The following KLHL28 variants were observed in gnomAD, a reference collection of about 807,000 sequenced individuals.
KLHL28 encodes kelch like family member 28, also known as kelch-like protein 28.
In KLHL28, 22 loss-of-function variants were observed where a neutral mutation model predicts 48.3. The observed-to-expected ratio is 0.46, with a 90% CI of 0.33 to 0.65. The LOEUF (loss-of-function observed/expected upper bound fraction) is 0.65, where lower values mean the gene tolerates loss of function less well. KLHL28 is among the 30% of genes least tolerant of loss of function. The pLI is 0.03. For missense variants in KLHL28, 527 were observed against 704.3 expected (o/e 0.75, Z 2.85); for synonymous variants, 243 against 242.4 (o/e 1.00, Z -0.02).
Position 44,924,394 on chromosome 14 carries a change from C to T in KLHL28, c.*4634G>A, listed in dbSNP as rs553721252. ...TAACCATAATAATTACAGAACATTA[C>T]CACAATGATACACACAAATAACCTT... On this transcript the variant is annotated 3_prime_UTR_variant, in exon 5 of 5. Coordinates refer to ENST00000396128, the MANE Select transcript of KLHL28 (RefSeq NM_017658.5). 6.6e-6 allele frequency: 1 copy of T among 152,330 alleles called. No homozygotes were observed. The highest frequency in any genetic ancestry group is 2.4e-5 in the African/African-American group (1 of 41,468). The allele number at this position is 152,330 out of a possible 1,614,324, so 9.4% of individuals were successfully genotyped here. A position where few individuals can be genotyped will look rare whatever the true frequency, so the allele number is the denominator to read the frequency against.
intron 1 of KLHL28, among the ~76,000 whole-genome samples, chr14:44,959,845 A>T (rs1352245875): frequency 1.3e-5 from 2 of 152,082 alleles, no homozygotes; most frequent in Admixed American, 6.6e-5. Flanking sequence ...ACAAATTTGT[A>T]CTCTCTCTAT....
Position 44,928,994 on chromosome 14 carries a change from TCAC to T in KLHL28, c.*31_*33del. Reference sequence around the variant, plus strand: ...TCCGGATGTTCATGCAGTACAAGTTTCACCACCATACTATTTCCGAGAGTTCAC... The same window carrying T: ...TCCGGATGTTCATGCAGTACAAGTTTCACCATACTATTTCCGAGAGTTCAC... On this transcript the variant is annotated 3_prime_UTR_variant, in exon 5 of 5. Transcript: ENST00000396128. 1.2e-6 allele frequency: 2 copies of T among 1,607,530 alleles called. No individual in the cohort carries two copies. Among genetic ancestry groups the T allele is most frequent in the Non-Finnish European group, 1.7e-6 (2 of 1,175,122 alleles).
chr14:44,936,540 G>A (rs2138598262), intron 2 of KLHL28, among the ~76,000 whole-genome samples: 1 of 152,272 alleles, frequency 6.6e-6, no homozygotes, highest in Middle Eastern at 3.4e-3. Flanking sequence ...GGAAGGGTTT[G>A]TGGATGTTTT....
chr14:44,927,135 T>G lies in KLHL28; in HGVS notation c.*1893A>C, dbSNP rs900316835. 2.0e-5 allele frequency: 3 copies of G among 152,618 alleles called. No individual in the cohort carries two copies. The highest frequency in any genetic ancestry group is 4.4e-5 in the Non-Finnish European group (3 of 68,008). 9.5% of individuals were successfully genotyped at this position (152,618 alleles called of 1,614,324 possible). On this transcript the variant is annotated 3_prime_UTR_variant, in exon 5 of 5. Transcript: ENST00000396128. ...GTTATTAGTTGCTCCTGTTGAGTTC[T>G]AAATTAGAAGAGACTAAAAATCACT...
intron 1 of KLHL28, among the ~76,000 whole-genome samples, chr14:44,949,282 A>T (rs1884475639): frequency 1.3e-5 from 2 of 152,246 alleles, no homozygotes; most frequent in Middle Eastern, 3.4e-3. Flanking sequence ...AGATGTAGAG[A>T]TCTTTAGGAT....
At chr14:44,943,345 A>G (rs891286518) in intron 2 of KLHL28, among the ~76,000 whole-genome samples, 1 of 152,214 alleles carries the variant, frequency 6.6e-6, no homozygotes, top group African/African-American at 2.4e-5. Flanking sequence ...CAACAATACT[A>G]GTTTCAGGTT....
Position 44,934,127 on chromosome 14 carries a change from G to C in KLHL28, c.1331C>G (p.Ala444Gly), listed in dbSNP as rs1258950854. 1 of 1,610,966 alleles carries C rather than the reference G, an allele frequency of 6.2e-7. No individual in the cohort carries two copies. Among genetic ancestry groups the C allele is most frequent in the South Asian group, 1.1e-5 (1 of 90,726 alleles). Residue 444 changes from alanine (A) to glycine (G), a missense_variant, in exon 3 of 5, where the codon GCC (alanine) becomes GGC (glycine). By Grantham distance (60) the Ala-to-Gly change is moderately conservative (BLOSUM62 0). Transcript: ENST00000396128. ...MIYAIGGYGP[A>G]HMNSVERYDP... ...TTAAGTTAAATACCTGTTCATGTGG[G>C]CAGGACCATACCCACCAATGGCATA... is the stretch of plus-strand genomic sequence containing the variant.
At chr14:44,944,928 G>C (rs1424569104) in intron 2 of KLHL28, 102 bp downstream of exon 2, 1 of 907,118 alleles carries the variant, frequency 1.1e-6, no homozygotes, top group East Asian at 2.5e-5. Context: ...GCAAAGAAAA[G>C]TAAAAAGGAA....
chr14:44,927,147 G>T lies in KLHL28; in HGVS notation c.*1881C>A, dbSNP rs1030188243. ...TCCTGTTGAGTTCTAAATTAGAAGA[G>T]ACTAAAAATCACTTGCAAGGTTTTA... On this transcript the variant is annotated 3_prime_UTR_variant, in exon 5 of 5. Transcript: ENST00000396128. The T allele has an allele frequency of 2.6e-5, 4 of 152,502 alleles. No individual in the cohort carries two copies. Among genetic ancestry groups the T allele is most frequent in the African/African-American group, 9.7e-5 (4 of 41,412 alleles). 9.4% of individuals were successfully genotyped at this position (152,502 alleles called of 1,614,324 possible).
At chr14:44,958,722 T>C (rs746496272) in intron 1 of KLHL28, among the ~76,000 whole-genome samples, 1 of 151,584 alleles carries the variant, frequency 6.6e-6, no homozygotes, top group Non-Finnish European at 1.5e-5. Context: ...ATCCATGTTA[T>C]GACAGGCGTC....
In KLHL28 at chr14:44,929,068, A is replaced by G; in HGVS notation, c.1676T>C (p.Met559Thr). ...ISDTWLDSAG[M>T]IYCRCNFGLT... ...CCCAAAGTTGCAGCGACAGTATATC[A>G]TGCCAGCTGAATCCAGCCACGTATC... The change falls in exon 5 of 5, where the codon ATG becomes ACG. Residue 559 changes from methionine (M) to threonine (T), a missense_variant. Transcript: ENST00000396128. 6.2e-7 allele frequency: 1 copy of G among 1,613,970 alleles called. No individual in the cohort carries two copies. Among genetic ancestry groups the G allele is most frequent in the Non-Finnish European group, 8.5e-7 (1 of 1,179,886 alleles).
chr14:44,933,480 A>G (rs992095416), intron 3 of KLHL28, among the ~76,000 whole-genome samples: 7 of 152,004 alleles, frequency 4.6e-5, no homozygotes, highest in African/African-American at 1.7e-4. Context: ...CTGGCCAAAG[A>G]TAAAACCTTT....
At chr14:44,934,847 T>C (rs886617153) in intron 2 of KLHL28, among the ~76,000 whole-genome samples, 3 of 152,206 alleles carry the variant, frequency 2.0e-5, no homozygotes, top group African/African-American at 7.2e-5. Flanking sequence ...GACTCAGTAA[T>C]TACATTCCTA....
chr14:44,932,338 T>G (rs1462170749), intron 3 of KLHL28, among the ~76,000 whole-genome samples: 2 of 152,040 alleles, frequency 1.3e-5, no homozygotes, highest in Non-Finnish European at 2.9e-5. Context: ...GATTGCATAG[T>G]ACAAACTGGC....
intron 2 of KLHL28, among the ~76,000 whole-genome samples, chr14:44,935,229 CAA>C (rs1321904524): frequency 6.6e-6 from 1 of 152,066 alleles, no homozygotes; most frequent in Admixed American, 6.6e-5. Flanking sequence ...AAAAGGATAT[CAA>C]TTAAGTTCAA....
chr14:44,951,490 T>C (rs1884577774), intron 1 of KLHL28, among the ~76,000 whole-genome samples: 1 of 152,240 alleles, frequency 6.6e-6, no homozygotes. Flanking sequence ...TGTTAAAACC[T>C]TTTAAATATT....
At chr14:44,937,582 T>C (rs1238519808) in intron 2 of KLHL28, among the ~76,000 whole-genome samples, 1 of 152,236 alleles carries the variant, frequency 6.6e-6, no homozygotes, top group Non-Finnish European at 1.5e-5. Context: ...TTTCTGGAGA[T>C]GATTTAGCTA....
intron 1 of KLHL28, among the ~76,000 whole-genome samples, chr14:44,956,437 T>C (rs747730550): frequency 1.3e-5 from 2 of 152,184 alleles, no homozygotes; most frequent in African/African-American, 4.8e-5. Context: ...CCCATGAGTA[T>C]TCTCACGTCC....
At chr14:44,953,450 C>T (rs932693001) in intron 1 of KLHL28, among the ~76,000 whole-genome samples, 9 of 152,162 alleles carry the variant, frequency 5.9e-5, no homozygotes, top group Admixed American at 5.2e-4. Flanking sequence ...TCCTTATGAA[C>T]GGATTGATCC....
Sources: gnomAD v4.1 joint callset for allele counts (sites outside exome capture counted in the v4.1 genomes callset) on GRCh38, gnomAD v4.1.1 for gene constraint, MANE v1.5 for transcripts, NCBI Gene and HGNC (gene_info 2026-07-23, HGNC 2026-07-21) for gene names.